The following ZNF280D variants were observed in gnomAD, a reference collection of about 807,000 sequenced individuals.
ZNF280D encodes suppressor of hairy wing homolog 4.
In ZNF280D, 39 loss-of-function variants were observed where a neutral mutation model predicts 94.7. The ratio of observed to expected loss-of-function variants is 0.41; its 90% CI spans 0.32 to 0.54. The LOEUF (loss-of-function observed/expected upper bound fraction) is 0.54. ZNF280D is among the 20% of genes least tolerant of loss of function. The pLI, the probability that ZNF280D is intolerant of heterozygous loss-of-function variation, is 0.22. For synonymous variants in ZNF280D, 398 were observed against 377.6 expected (o/e 1.05, Z -0.63); for missense variants, 1,090 against 1,149.3 (o/e 0.95, Z 0.75).
chr15:56,731,514 A>AT (rs2141539532), intron 1 of ZNF280D, among the ~76,000 whole-genome samples: 1 of 147,948 alleles, frequency 6.8e-6, no homozygotes, highest in East Asian at 1.9e-4. Context: ...CTCAAAAAAA[A>AT]AAAAAAAAAA....
chr15:56,722,966 A>C (rs1392568474), intron 1 of ZNF280D, among the ~76,000 whole-genome samples: 6 of 151,782 alleles, frequency 4.0e-5, no homozygotes, highest in Non-Finnish European at 8.8e-5. Flanking sequence ...TTCTCAGTAA[A>C]CTATCGCAAG....
intron 20 of ZNF280D, among the ~76,000 whole-genome samples, chr15:56,640,121 A>G (rs187179311): frequency 1.6e-4 from 25 of 152,300 alleles, no homozygotes; most frequent in Admixed American, 3.9e-4. Flanking sequence ...AACATAAGGT[A>G]CAGAAAAGGA....
chr15:56,665,443 CAT>C (rs1266776726), intron 16 of ZNF280D, among the ~76,000 whole-genome samples: 2 of 151,952 alleles, frequency 1.3e-5, no homozygotes, highest in African/African-American at 4.8e-5. Context: ...CTTTTCCTAA[CAT>C]AGTGTAAATA....
intron 13 of ZNF280D, 29 bp from the exon 14 acceptor site, chr15:56,668,986 A>G (rs1426603771): frequency 3.8e-6 from 6 of 1,587,016 alleles, no homozygotes; most frequent in African/African-American, 1.4e-5. Flanking sequence ...AAAAAGGGGG[A>G]AAAATAATTT....
At chr15:56,641,230 T>C (rs1399086337) in intron 20 of ZNF280D, among the ~76,000 whole-genome samples, 3 of 152,008 alleles carry the variant, frequency 2.0e-5, no homozygotes, top group Admixed American at 1.3e-4. Context: ...CTTTCAAAAT[T>C]ACCTTCAATT....
intron 16 of ZNF280D, among the ~76,000 whole-genome samples, chr15:56,661,293 G>A (rs1014767746): frequency 1.3e-5 from 2 of 152,186 alleles, no homozygotes; most frequent in Non-Finnish European, 2.9e-5. Context: ...ATCTGATATG[G>A]AAAGGTGTTA....
intron 19 of ZNF280D, among the ~76,000 whole-genome samples, chr15:56,647,248 G>C (rs755985786): frequency 6.6e-6 from 1 of 152,106 alleles, no homozygotes; most frequent in East Asian, 1.9e-4. Context: ...GGTTGGTTTA[G>C]GGAGATGAGA....
chr15:56,646,268 T>A (rs528570903), intron 19 of ZNF280D, among the ~76,000 whole-genome samples: 29 of 151,866 alleles, frequency 1.9e-4, no homozygotes, highest in Admixed American at 5.9e-4. Flanking sequence ...TACAAAAAAA[T>A]TTTTAAAAAA....
chr15:56,665,599 A>C (rs1407787305), intron 16 of ZNF280D, among the ~76,000 whole-genome samples: 1 of 151,932 alleles, frequency 6.6e-6, no homozygotes. Context: ...GTTGGAATAC[A>C]GAAAGAGAAA....
Position 56,696,072 on chromosome 15 carries a change from C to T in ZNF280D, c.382-2857G>A, listed in dbSNP as rs572702937. 1.2e-4 allele frequency among the ~76,000 whole-genome samples: 19 copies of T among 152,212 alleles called. 1 individual carries two copies. In the South Asian group the frequency reaches 2.9e-3, roughly 23 times the overall value. On this transcript the variant is annotated intron_variant, in intron 6 of 21. Coordinates refer to ENST00000267807, the MANE Select transcript of ZNF280D (RefSeq NM_017661.4). ...TTGACATGGGTTTGTTAAGAAGTTA[C>T]GGAAACAAGCTATTGATGTAACTCA... is the stretch of plus-strand genomic sequence containing the variant.
rs192578246 is a variant in ZNF280D at position 56,723,028 on chromosome 15, T to C, written c.-86+10430A>G. On this transcript the variant is annotated intron_variant, in intron 1 of 21. Coordinates refer to ENST00000267807, the MANE Select transcript of ZNF280D (RefSeq NM_017661.4). ...TCACTCATAGGTGGGAAATGAACAA[T>C]GAGATCACATGGACACAGGAAGGGG... 6.8e-4 allele frequency among the ~76,000 whole-genome samples: 91 copies of C among 133,622 alleles called. 4 individuals are homozygous for C. In the East Asian group the frequency reaches 0.015, roughly 22 times the overall value. 87.7% of individuals were successfully genotyped at this position (133,622 alleles called of 152,430 possible).
intron 13 of ZNF280D, among the ~76,000 whole-genome samples, chr15:56,672,591 T>C (rs1177666662): frequency 1.3e-5 from 2 of 152,038 alleles, no homozygotes; most frequent in Non-Finnish European, 2.9e-5. Context: ...AGTATTTTGG[T>C]GAAGATTTTT....
At chr15:56,683,047 C>T (rs2141011702) in intron 9 of ZNF280D, among the ~76,000 whole-genome samples, 1 of 151,888 alleles carries the variant, frequency 6.6e-6, no homozygotes, top group Middle Eastern at 3.4e-3. Context: ...TAAAGATTAC[C>T]CTAAAATAGC....
In ZNF280D at chr15:56,673,236, T is replaced by C. The variant is rs375297016; in HGVS notation, c.1410+3434A>G. Among the ~76,000 whole-genome samples the C allele has an allele frequency of 7.2e-5, 11 of 152,048 alleles. No individual in the cohort carries two copies. The South Asian group carries it at 2.3e-3, about 32-fold the overall frequency. ...CTTCTCAAATCAACCTGAACAAAAT[T>C]GAACTCGAGATTTCCTTCCTATATC... On this transcript the variant is annotated intron_variant, in intron 13 of 21. Coordinates refer to ENST00000267807, the MANE Select transcript of ZNF280D (RefSeq NM_017661.4).
intron 11 of ZNF280D, 144 bp from the exon 12 acceptor site, chr15:56,677,818 A>C (rs2055337913): frequency 3.5e-6 from 1 of 289,158 alleles, no homozygotes; most frequent in Non-Finnish European, 6.4e-6. Context: ...TGCAAAGAAC[A>C]GTTCTAAGCA....
intron 20 of ZNF280D, among the ~76,000 whole-genome samples, chr15:56,637,539 A>G (rs1194748471): frequency 2.0e-4 from 31 of 152,088 alleles, no homozygotes; most frequent in Admixed American, 2.0e-3. Context: ...TTCAGCACCT[A>G]ATTTTCCCAC....
intron 6 of ZNF280D, chr15:56,698,570 C>A (rs1302709589): frequency 2.0e-5 from 3 of 152,160 alleles, no homozygotes; most frequent in Admixed American, 6.5e-5. Context: ...TACCCATAAT[C>A]CCCAGGTCCT....
intron 1 of ZNF280D, chr15:56,724,965 T>G: frequency 7.2e-6 from 3 of 419,078 alleles, no homozygotes; most frequent in South Asian, 3.4e-5. Flanking sequence ...CAATCCTGTA[T>G]AGCTGAGAGT....
At position 56,656,566 on chromosome 15, in the gene ZNF280D, A is replaced by G. The variant is rs145639981; in HGVS notation, c.2057+1858T>C. ...GCTTAATTATTTCCCTAGATTCAGT[A>G]AATATTTTAAAAGTAGTACTAACAT... On this transcript the variant is annotated intron_variant, in intron 17 of 21. Coordinates refer to ENST00000267807, the MANE Select transcript of ZNF280D (RefSeq NM_017661.4). Among the ~76,000 whole-genome samples, 78 of 152,340 alleles carry G rather than the reference A, an allele frequency of 5.1e-4. 1 individual carries two copies. In the East Asian group the frequency reaches 0.014, roughly 28 times the overall value.
Sources: allele counts gnomAD v4.1 joint callset (sites outside exome capture counted in the v4.1 genomes callset), GRCh38; gene constraint gnomAD v4.1.1; transcripts MANE v1.5; gene names NCBI Gene and HGNC (gene_info 2026-07-23, HGNC 2026-07-21).